SGCD: variants seen among roughly 807,000 people sequenced by gnomAD.
SGCD encodes delta-sarcoglycan.
In SGCD, 18 loss-of-function variants were observed where a neutral mutation model predicts 36.6. The observed-to-expected ratio is 0.49, with a 90% CI of 0.34 to 0.73. The LOEUF is 0.73. Ranked by LOEUF, SGCD falls within the 30% of genes least tolerant of loss-of-function variation. SGCD has a pLI of 0.01. For synonymous variants in SGCD, 133 were observed against 130.6 expected, an observed-to-expected ratio of 1.02 and a Z score of -0.12; for missense variants, 387 against 346.7, an observed-to-expected ratio of 1.12 and a Z score of -0.92.
At chr5:156,725,063 C>T (rs1471266969) in intron 7 of SGCD, among the ~76,000 whole-genome samples, 1 of 152,168 alleles carries the variant, frequency 6.6e-6, no homozygotes, top group Admixed American at 6.5e-5. Flanking sequence ...ATGCCACTCA[C>T]TGGGAAAGGA....
intron 7 of SGCD, among the ~76,000 whole-genome samples, chr5:156,717,404 T>A (rs572666250): frequency 6.6e-6 from 1 of 152,334 alleles, no homozygotes; most frequent in East Asian, 1.9e-4. Flanking sequence ...CCCTCATGCC[T>A]TGGTGGTCTT....
chr5:156,424,432 A>G (rs544780569), intron 3 of SGCD, among the ~76,000 whole-genome samples: 1 of 152,148 alleles, frequency 6.6e-6, no homozygotes, highest in South Asian at 2.1e-4. Context: ...AACCCTTCAG[A>G]TATGTGTGAG....
intron 3 of SGCD, among the ~76,000 whole-genome samples, chr5:156,507,219 C>G (rs937661374): frequency 6.6e-6 from 1 of 152,010 alleles, no homozygotes; most frequent in African/African-American, 2.4e-5. Context: ...CCAGATGTGC[C>G]CAGTGAAATC....
intron 1 of SGCD, among the ~76,000 whole-genome samples, chr5:155,887,904 A>T (rs1211066591): frequency 1.3e-5 from 2 of 152,168 alleles, no homozygotes; most frequent in Non-Finnish European, 2.9e-5. Flanking sequence ...AGTACTTCAC[A>T]CCATTAGCTT....
chr5:156,475,959 C>G (rs1267805647), intron 3 of SGCD, among the ~76,000 whole-genome samples: 2 of 152,108 alleles, frequency 1.3e-5, no homozygotes, highest in East Asian at 3.9e-4. Flanking sequence ...TTAAGCTTCC[C>G]AGGGCTGCAG....
intron 6 of SGCD, among the ~76,000 whole-genome samples, chr5:156,610,267 G>C (rs939450541): frequency 6.6e-6 from 1 of 152,176 alleles, no homozygotes; most frequent in African/African-American, 2.4e-5. Flanking sequence ...TAACAGTCAG[G>C]ACCCTCAGCT....
chr5:156,618,906 C>T (rs757271762), intron 6 of SGCD, among the ~76,000 whole-genome samples: 3 of 152,122 alleles, frequency 2.0e-5, no homozygotes, highest in African/African-American at 7.2e-5. Context: ...CATTGCAGCC[C>T]TCGGTGGTGC....
chr5:156,049,117 C>G (rs1759850048), intron 1 of SGCD, among the ~76,000 whole-genome samples: 1 of 146,024 alleles, frequency 6.8e-6, no homozygotes, highest in South Asian at 2.2e-4. Context: ...TCAGGTTTGT[C>G]AAAGATCAGA....
At chr5:156,572,946 T>C (rs1759781509) in intron 4 of SGCD, among the ~76,000 whole-genome samples, 2 of 152,196 alleles carry the variant, frequency 1.3e-5, no homozygotes, top group South Asian at 4.1e-4. Context: ...ATTAGAAATT[T>C]TGACCAGCCA....
chr5:156,228,821 T>A (rs915355828), intron 3 of SGCD, among the ~76,000 whole-genome samples: 9 of 152,120 alleles, frequency 5.9e-5, no homozygotes, highest in African/African-American at 1.9e-4. Context: ...TTAGAGCTCC[T>A]TTTAGCCATC....
At chr5:156,609,677 T>C (rs1276288699) in intron 6 of SGCD, among the ~76,000 whole-genome samples, 3 of 152,226 alleles carry the variant, frequency 2.0e-5, no homozygotes, top group African/African-American at 7.2e-5. Context: ...CACTTTCAGG[T>C]ACACCAATCA....
At chr5:156,171,975 G>C (rs1763356391) in intron 3 of SGCD, among the ~76,000 whole-genome samples, 1 of 152,090 alleles carries the variant, frequency 6.6e-6, no homozygotes, top group Non-Finnish European at 1.5e-5. Flanking sequence ...GGTTAGAGGA[G>C]GGAAATAACT....
chr5:156,135,752 A>G (rs1762440375), intron 3 of SGCD, among the ~76,000 whole-genome samples: 1 of 152,196 alleles, frequency 6.6e-6, no homozygotes, highest in South Asian at 2.1e-4. Context: ...AACTGTTTCC[A>G]TACTTTGACT....
chr5:156,026,543 C>A (rs914587075), intron 1 of SGCD, among the ~76,000 whole-genome samples: 2 of 152,170 alleles, frequency 1.3e-5, no homozygotes, highest in Non-Finnish European at 2.9e-5. Context: ...ACAAGTCCAT[C>A]TTTTTATATG....
At chr5:156,321,965 C>G (rs1447260060), upstream of SGCD, among the ~76,000 whole-genome samples, 1 of 152,110 alleles carries the variant, frequency 6.6e-6, no homozygotes, top group East Asian at 1.9e-4. Flanking sequence ...CATAAGGGTC[C>G]CGATGAACGC....
At chr5:156,504,392 G>GTGTATATATATATATATA (rs1413599402) in intron 3 of SGCD, among the ~76,000 whole-genome samples, 6 of 75,068 alleles carry the variant, frequency 8.0e-5, no homozygotes, top group Non-Finnish European at 1.7e-4. Flanking sequence ...GTGTGTGTGT[G>GTGTATATATATATATATA]TATATATATA....
chr5:156,347,419 A>T (rs1233374642), intron 3 of SGCD, among the ~76,000 whole-genome samples: 1 of 152,216 alleles, frequency 6.6e-6, no homozygotes, highest in Non-Finnish European at 1.5e-5. Context: ...TGGACCTTGC[A>T]TTTAAAGACA....
intron 3 of SGCD, among the ~76,000 whole-genome samples, chr5:156,227,789 T>A (rs1333232373): frequency 1.3e-5 from 2 of 152,178 alleles, no homozygotes; most frequent in African/African-American, 4.8e-5. Flanking sequence ...GGCTATGAAC[T>A]TTCCTCTTAA....
chr5:156,350,247 T>TATATATATATATATA (rs1769170083), intron 3 of SGCD, among the ~76,000 whole-genome samples: 1 of 95,782 alleles, frequency 1.0e-5, no homozygotes, highest in Non-Finnish European at 2.4e-5. Flanking sequence ...GGAAAAAAAA[T>TATATATATATATATA]TATATATATA....
Sources: gnomAD v4.1 joint callset for allele counts (sites outside exome capture counted in the v4.1 genomes callset) on GRCh38, gnomAD v4.1.1 for gene constraint, MANE v1.5 for transcripts, NCBI Gene and HGNC (gene_info 2026-07-23, HGNC 2026-07-21) for gene names.